Variants in ERAP2 observed in about 807,000 individuals in gnomAD.
ERAP2 encodes endoplasmic reticulum aminopeptidase 2.
Under a neutral mutation model 111.1 loss-of-function variants are expected in ERAP2, and 118 were observed. The observed-to-expected ratio is 1.06, with a 90% CI of 0.92 to 1.24. The LOEUF is 1.24. Ranked by LOEUF, ERAP2 falls within the 50% of genes most tolerant of loss-of-function variation. The pLI, the probability that ERAP2 is intolerant of heterozygous loss-of-function variation, is 0.00. For missense variants in ERAP2, 1,131 were observed against 1,125.8 expected (o/e 1.00, Z -0.07); for synonymous variants, 410 against 401.2 (o/e 1.02, Z -0.26).
intron 1 of ERAP2, among the ~76,000 whole-genome samples, chr5:96,879,320 A>G (rs944368178): frequency 6.6e-6 from 1 of 152,262 alleles, no homozygotes; most frequent in Non-Finnish European, 1.5e-5. Flanking sequence ...CTCGCTGCAC[A>G]AGAATTCAGA....
In ERAP2 at chr5:96,915,881, TTG is replaced by T. The variant is rs1291581590; in HGVS notation, c.2739+114_2739+115del. 1.1e-5 allele frequency: 10 copies of T among 951,036 alleles called. No homozygotes were observed. The African/African-American group carries it at 1.7e-4, about 16-fold the overall frequency. The allele number at this position is 951,036 out of a possible 1,614,324, so 58.9% of individuals were successfully genotyped here. A position where few individuals can be genotyped will look rare whatever the true frequency, so the allele number is the denominator to read the frequency against. ...GTTCTCATTTTAGTTTTTAAAAAAG[TTG>T]TTTGTCCAATGCCATATAGCAAGTA... On this transcript the variant is annotated intron_variant, in intron 18 of 18. Transcript: ENST00000437043.
intron 4 of ERAP2, 26 bp from the exon 5 acceptor site, chr5:96,889,159 A>G (rs1346511147): frequency 1.2e-6 from 2 of 1,612,050 alleles, no homozygotes; most frequent in Non-Finnish European, 1.7e-6. Context: ...GTCATTCAAA[A>G]ACCTCTTCTG....
chr5:96,877,330 C>T (rs1474830777), intron 1 of ERAP2, among the ~76,000 whole-genome samples: 1 of 152,172 alleles, frequency 6.6e-6, no homozygotes, highest in East Asian at 1.9e-4. Context: ...ACAACCCTTA[C>T]TAGTTCTAAA....
chr5:96,898,101 CAGG>C (rs958734393), intron 9 of ERAP2, among the ~76,000 whole-genome samples: 2 of 152,086 alleles, frequency 1.3e-5, no homozygotes, highest in African/African-American at 2.4e-5. Context: ...GAGGCTAAGG[CAGG>C]AGAATCACTT....
rs1412563849 is a variant in ERAP2, at chr5:96,900,144, AT to A, written c.1528del (p.Ser510LeufsTer11). On this transcript the variant is annotated frameshift_variant, in exon 10 of 19. Coordinates refer to ENST00000437043, the MANE Select transcript of ERAP2 (RefSeq NM_022350.5). LOFTEE classifies it high-confidence loss of function. ...AGAGTTGTTTAGAAAGTGATTTTACATCTGGTGGAGTTTGTCATTCGGATCC... is the reference window on the plus strand; with the variant it reads ...AGAGTTGTTTAGAAAGTGATTTTACACTGGTGGAGTTTGTCATTCGGATCC... The part of the protein sequence containing the change: ...SNSCLESDFT[S>X]GGVCHSDPKM... 1.9e-6 allele frequency: 3 copies of A among 1,613,778 alleles called. No homozygotes were observed. The highest frequency in any genetic ancestry group is 2.5e-6 in the Non-Finnish European group (3 of 1,179,850).
At chr5:96,884,097 C>G (rs1783478353) in intron 3 of ERAP2, among the ~76,000 whole-genome samples, 167 bp downstream of exon 3, 1 of 151,918 alleles carries the variant, frequency 6.6e-6, no homozygotes, top group Admixed American at 6.6e-5. Flanking sequence ...TAATTTCAAT[C>G]ATTCTAGACG....
At chr5:96,915,610 TA>T (rs1787294428) in intron 17 of ERAP2, 77 bp from the exon 18 acceptor site, 6 of 760,602 alleles carry the variant, frequency 7.9e-6, no homozygotes, top group African/African-American at 1.8e-5. Flanking sequence ...TAATATACAT[TA>T]AAAATATAAT....
chr5:96,878,437 A>AAT (rs914134181), intron 1 of ERAP2, among the ~76,000 whole-genome samples: 2 of 151,878 alleles, frequency 1.3e-5, no homozygotes, highest in East Asian at 1.9e-4. Context: ...AAGAATATAG[A>AAT]ATATATATAT....
intron 9 of ERAP2, among the ~76,000 whole-genome samples, chr5:96,899,629 C>G (rs889135539): frequency 1.8e-4 from 28 of 152,128 alleles, no homozygotes; most frequent in African/African-American, 5.1e-4. Flanking sequence ...AAATATTGTA[C>G]ACTCATCACA....
chr5:96,914,150 A>T (rs72775854), intron 17 of ERAP2, among the ~76,000 whole-genome samples: 41 of 78,692 alleles, frequency 5.2e-4, no homozygotes, highest in East Asian at 2.1e-3. Flanking sequence ...TCTCTCTCTC[A>T]CACACACACA....
chr5:96,876,999 G>C (rs531458089), intron 1 of ERAP2, among the ~76,000 whole-genome samples: 3 of 152,142 alleles, frequency 2.0e-5, no homozygotes, highest in South Asian at 4.2e-4. Context: ...TTTTGAGAGA[G>C]AGCCTCGCTC....
intron 15 of ERAP2, among the ~76,000 whole-genome samples, chr5:96,912,033 C>CA (rs1427036449): frequency 2.7e-5 from 4 of 148,590 alleles, no homozygotes; most frequent in Admixed American, 1.3e-4. Context: ...ACTAAAAATA[C>CA]AAAAAAATTA....
At chr5:96,879,144 AG>A (rs919101115) in intron 1 of ERAP2, among the ~76,000 whole-genome samples, 14 of 152,286 alleles carry the variant, frequency 9.2e-5, no homozygotes, top group African/African-American at 3.4e-4. Flanking sequence ...ACTTGAGCCC[AG>A]GAAGTTGAGG....
chr5:96,910,082 T>C (rs1018333609), intron 15 of ERAP2: 14 of 206,872 alleles, frequency 6.8e-5, no homozygotes, highest in Non-Finnish European at 1.0e-4. Context: ...CTGGCCAACA[T>C]AGTGAAGCCC....
Position 96,880,252 on chromosome 5 carries a change from T to G in ERAP2, c.567T>G (p.Gly189=), listed in dbSNP as rs558767630. ...FYKSTYRTLG[G]ETRILAVTDF... ...AAAGCACATACAGAACTCTTGGTGG[T>G]GAAACAAGGTAAGAACTTGCTCAGG... is the stretch of plus-strand genomic sequence containing the variant. Residue 189 remains glycine, a synonymous_variant, in exon 2 of 19, where the codon GGT becomes GGG. Transcript: ENST00000437043. 1 of 1,607,860 alleles carries G rather than the reference T, an allele frequency of 6.2e-7. No individual in the cohort carries two copies. Among genetic ancestry groups the G allele is most frequent in the Non-Finnish European group, 8.5e-7 (1 of 1,176,916 alleles).
chr5:96,892,634 A>G (rs1345849978), intron 6 of ERAP2, among the ~76,000 whole-genome samples, 181 bp downstream of exon 6: 1 of 152,206 alleles, frequency 6.6e-6, no homozygotes, highest in Non-Finnish European at 1.5e-5. Context: ...TGGTGTGCAT[A>G]CTGGAATTTT....
chr5:96,895,506 C>G, intron 7 of ERAP2, 147 bp downstream of exon 7: 1 of 648,958 alleles, frequency 1.5e-6, no homozygotes, highest in South Asian at 1.8e-5. Flanking sequence ...CGAAACAGAT[C>G]ACAGAACTGG....
At chr5:96,877,792 G>A (rs539330902) in intron 1 of ERAP2, among the ~76,000 whole-genome samples, 2 of 152,028 alleles carry the variant, frequency 1.3e-5, no homozygotes, top group Admixed American at 6.6e-5. Flanking sequence ...CTTATCAGAC[G>A]TTCTTGGAAC....
chr5:96,891,572 TACAC>T (rs1319654321), intron 5 of ERAP2, among the ~76,000 whole-genome samples: 121 of 133,246 alleles, frequency 9.1e-4, no homozygotes, highest in East Asian at 7.7e-3. Context: ...ACATATATGG[TACAC>T]ACACACACAC....
Sources: allele counts gnomAD v4.1 joint callset (sites outside exome capture counted in the v4.1 genomes callset), GRCh38; gene constraint gnomAD v4.1.1; transcripts MANE v1.5; gene names NCBI Gene and HGNC (gene_info 2026-07-23, HGNC 2026-07-21).